The following KCNJ3 variants were observed in gnomAD, a reference collection of about 807,000 sequenced individuals.
KCNJ3 encodes the protein G protein-activated inward rectifier potassium channel 1.
A neutral mutation model predicts 39.2 loss-of-function variants in KCNJ3; 4 were observed. The observed-to-expected ratio is 0.10, with a 90% CI of 0.05 to 0.23. The LOEUF is 0.23. Ranked by LOEUF, KCNJ3 falls within the 10% of genes least tolerant of loss-of-function variation. KCNJ3 has a pLI of 1.00. For synonymous variants in KCNJ3, 230 were observed against 237.4 expected (o/e 0.97, Z 0.29); for missense variants, 276 against 634.9 (o/e 0.43, Z 6.08).
intron 2 of KCNJ3, among the ~76,000 whole-genome samples, chr2:154,712,176 C>A (rs1036713145): frequency 6.6e-6 from 1 of 152,124 alleles, no homozygotes; most frequent in Non-Finnish European, 1.5e-5. Flanking sequence ...TCTATAAAAT[C>A]TCTGTATATT....
intron 2 of KCNJ3, among the ~76,000 whole-genome samples, chr2:154,844,471 C>G (rs1687633128): frequency 6.6e-6 from 1 of 152,220 alleles, no homozygotes. Context: ...AGAACCACTG[C>G]TCTCTTCAGA....
chr2:154,741,040 T>G (rs968487375), intron 2 of KCNJ3, among the ~76,000 whole-genome samples: 1 of 152,130 alleles, frequency 6.6e-6, no homozygotes, highest in East Asian at 1.9e-4. Flanking sequence ...AATCACTCTA[T>G]GTATAGTTTC....
chr2:154,855,025 T>G lies in KCNJ3; in HGVS notation c.1218T>G (p.Ile406Met). 1 of 1,614,094 alleles carries G rather than the reference T, an allele frequency of 6.2e-7. No individual in the cohort carries two copies. Among genetic ancestry groups the G allele is most frequent in the Non-Finnish European group, 8.5e-7 (1 of 1,179,974 alleles). The change falls in exon 3 of 3, where the codon ATT becomes ATG. Residue 406 changes from isoleucine to methionine, a missense_variant. By Grantham distance (10) the Ile-to-Met change is conservative. Coordinates refer to ENST00000295101, the MANE Select transcript of KCNJ3 (RefSeq NM_002239.4). ...TTKLPSKLQK[I>M]TGREDFPKKL... ...AACTACCATCTAAGCTGCAGAAAATTACTGGAAGAGAAGACTTTCCCAAAA... is the reference window on the plus strand; with the variant it reads ...AACTACCATCTAAGCTGCAGAAAATGACTGGAAGAGAAGACTTTCCCAAAA...
At chr2:154,764,504 C>A (rs1166236209) in intron 2 of KCNJ3, among the ~76,000 whole-genome samples, 1 of 152,166 alleles carries the variant, frequency 6.6e-6, no homozygotes, top group Non-Finnish European at 1.5e-5. Context: ...AATCTTCCTT[C>A]TACTCTAAGG....
At chr2:154,703,477 A>ATGTGTGTG (rs755564498) in intron 1 of KCNJ3, among the ~76,000 whole-genome samples, 1 of 136,560 alleles carries the variant, frequency 7.3e-6, no homozygotes, top group Middle Eastern at 3.4e-3. Flanking sequence ...TCCTCCATAT[A>ATGTGTGTG]TATGTGTGTG....
At chr2:154,766,007 C>T (rs1465484648) in intron 2 of KCNJ3, among the ~76,000 whole-genome samples, 5 of 152,048 alleles carry the variant, frequency 3.3e-5, no homozygotes, top group Non-Finnish European at 7.4e-5. Context: ...AGTAAGTAAC[C>T]GTGGTTACTA....
chr2:154,847,751 G>T (rs530849532), intron 2 of KCNJ3, among the ~76,000 whole-genome samples: 70 of 152,250 alleles, frequency 4.6e-4, no homozygotes, highest in African/African-American at 1.7e-3. Flanking sequence ...AATCAGCAGG[G>T]TGGGCCTTAA....
chr2:154,805,127 T>G (rs909972668), intron 2 of KCNJ3, among the ~76,000 whole-genome samples: 6 of 152,150 alleles, frequency 3.9e-5, no homozygotes, highest in Non-Finnish European at 7.4e-5. Context: ...AGTTGCAATC[T>G]ATAAGTTTGT....
chr2:154,857,397 AG>A lies in KCNJ3; in HGVS notation c.*2085del, dbSNP rs539877373. The stretch of plus-strand genomic sequence containing the variant: ...GACGGAACCAAAAACAAACTCTCCA[AG>A]TATATTCACACATTCAACAAAATTT... On this transcript the variant is annotated 3_prime_UTR_variant, in exon 3 of 3. Transcript: ENST00000295101. 1.0e-3 allele frequency: 157 copies of A among 152,304 alleles called. No homozygotes were observed. The highest frequency in any genetic ancestry group is 3.6e-3 in the African/African-American group (151 of 41,560). The allele number at this position is 152,304 out of a possible 1,614,324, so 9.4% of individuals were successfully genotyped here.
In KCNJ3 at chr2:154,731,331, C is replaced by T. The variant is rs6729587; in HGVS notation, c.919+21512C>T. Reference sequence around the variant, plus strand: ...TCTTTTGGATTAGCAAAATCCCAAACAATTTTGAAAACTCAAATTTATATG... The same window carrying T: ...TCTTTTGGATTAGCAAAATCCCAAATAATTTTGAAAACTCAAATTTATATG... On this transcript the variant is annotated intron_variant, in intron 2 of 2. Coordinates refer to ENST00000295101, the MANE Select transcript of KCNJ3 (RefSeq NM_002239.4). Among the ~76,000 whole-genome samples, 916 of 152,194 alleles carry T rather than the reference C, an allele frequency of 6.0e-3. 4 individuals are homozygous for T. The highest frequency in any genetic ancestry group is 0.021 in the African/African-American group (854 of 41,558).
At chr2:154,841,391 C>A (rs1220461130) in intron 2 of KCNJ3, among the ~76,000 whole-genome samples, 1 of 152,048 alleles carries the variant, frequency 6.6e-6, no homozygotes, top group East Asian at 1.9e-4. Context: ...ATCTAAAATT[C>A]TCTTTTTTTG....
At chr2:154,766,830 A>G (rs1174386293) in intron 2 of KCNJ3, among the ~76,000 whole-genome samples, 1 of 152,164 alleles carries the variant, frequency 6.6e-6, no homozygotes, top group East Asian at 1.9e-4. Context: ...CTGGGATTAC[A>G]GGCATGAGCC....
At chr2:154,844,825 G>C (rs992195768) in intron 2 of KCNJ3, among the ~76,000 whole-genome samples, 7 of 152,184 alleles carry the variant, frequency 4.6e-5, no homozygotes, top group African/African-American at 1.7e-4. Context: ...TTGGGCAGAA[G>C]TGCCTCATTT....
intron 2 of KCNJ3, among the ~76,000 whole-genome samples, chr2:154,825,263 C>A (rs1047896836): frequency 6.6e-6 from 1 of 152,098 alleles, no homozygotes; most frequent in African/African-American, 2.4e-5. Context: ...GAATGCCCAG[C>A]TTTGTCTTCC....
chr2:154,708,495 G>T (rs1408016522), intron 1 of KCNJ3, among the ~76,000 whole-genome samples: 4 of 152,054 alleles, frequency 2.6e-5, no homozygotes, highest in Non-Finnish European at 5.9e-5. Flanking sequence ...GTTTTACATG[G>T]AATCTGTTAG....
At chr2:154,854,656 T>G in intron 2 of KCNJ3, 71 bp from the exon 3 acceptor site, 1 of 1,139,610 alleles carries the variant, frequency 8.8e-7, no homozygotes, top group Non-Finnish European at 1.3e-6. Context: ...AAATGAATTA[T>G]TTAGGCCAAA....
intron 2 of KCNJ3, among the ~76,000 whole-genome samples, chr2:154,838,361 G>T (rs150447544): frequency 6.6e-6 from 1 of 152,286 alleles, no homozygotes; most frequent in African/African-American, 2.4e-5. Context: ...CTAAAATTGA[G>T]GACCTGAGTG....
chr2:154,839,678 T>G (rs1687539922), intron 2 of KCNJ3, among the ~76,000 whole-genome samples: 1 of 152,270 alleles, frequency 6.6e-6, no homozygotes, highest in Admixed American at 6.5e-5. Context: ...ATTTCTCTGA[T>G]GATCAGTGAT....
intron 2 of KCNJ3, among the ~76,000 whole-genome samples, chr2:154,812,056 A>G (rs1031157980): frequency 5.3e-5 from 8 of 152,212 alleles, no homozygotes; most frequent in African/African-American, 1.9e-4. Context: ...CTCATTTACC[A>G]GAAGTACAAA....
Sources: allele counts gnomAD v4.1 joint callset (sites outside exome capture counted in the v4.1 genomes callset), GRCh38; gene constraint gnomAD v4.1.1; transcripts MANE v1.5; gene names NCBI Gene and HGNC (gene_info 2026-07-23, HGNC 2026-07-21).